The following DLG2 variants were observed in gnomAD, a reference collection of about 807,000 sequenced individuals.
DLG2 encodes discs large MAGUK scaffold protein 2.
Under a neutral mutation model 132.5 loss-of-function variants are expected in DLG2, and 45 were observed. That is an observed-to-expected ratio of 0.34 (90% CI 0.27 to 0.44). The LOEUF (loss-of-function observed/expected upper bound fraction) is 0.44, where lower values mean the gene tolerates loss of function less well. DLG2 is among the 20% of genes least tolerant of loss of function. The pLI is 1.00. For synonymous variants in DLG2, 424 were observed against 419.6 expected (o/e 1.01, Z -0.13); for missense variants, 1,045 against 1,196.9 (o/e 0.87, Z 1.87).
At chr11:85,053,829 G>T (rs982915840) in intron 6 of DLG2, among the ~76,000 whole-genome samples, 2 of 148,370 alleles carry the variant, frequency 1.3e-5, no homozygotes, top group East Asian at 2.0e-4. Flanking sequence ...AATTCATGGT[G>T]AGTACAAAAG....
At chr11:84,563,806 T>C (rs2099437940) in intron 6 of DLG2, among the ~76,000 whole-genome samples, 1 of 152,200 alleles carries the variant, frequency 6.6e-6, no homozygotes, top group Non-Finnish European at 1.5e-5. Context: ...CTATGTGACA[T>C]CTTATTAGTT....
chr11:83,753,591 A>T (rs1211892585), intron 18 of DLG2, among the ~76,000 whole-genome samples: 1 of 149,216 alleles, frequency 6.7e-6, no homozygotes, highest in Non-Finnish European at 1.5e-5. Context: ...AAGTTTATTT[A>T]ACTCCTGTGC....
At chr11:84,650,352 G>A (rs2099680030) in intron 6 of DLG2, among the ~76,000 whole-genome samples, 1 of 152,112 alleles carries the variant, frequency 6.6e-6, no homozygotes, top group South Asian at 2.1e-4. Flanking sequence ...CTCTTTCGTT[G>A]TAGGTATTAG....
intron 4 of DLG2, among the ~76,000 whole-genome samples, chr11:85,280,294 T>C (rs2078147522): frequency 6.6e-6 from 1 of 152,038 alleles, no homozygotes; most frequent in Non-Finnish European, 1.5e-5. Context: ...TTTACATGCC[T>C]GATAGCTTAT....
chr11:85,168,589 G>T (rs563028438), intron 4 of DLG2, among the ~76,000 whole-genome samples: 85 of 152,240 alleles, frequency 5.6e-4, no homozygotes, highest in African/African-American at 2.0e-3. Flanking sequence ...GGTGAGAAAT[G>T]ATAGGGAAGA....
intron 3 of DLG2, among the ~76,000 whole-genome samples, chr11:85,293,371 CCTGGGCAATATAGTGAGACCTCAT>C (rs2079029202): frequency 6.6e-6 from 1 of 152,020 alleles, no homozygotes; most frequent in Admixed American, 6.6e-5. Context: ...TTGAGAACAA[CCTGGGCAATATAGTGAGACCTCAT>C]CTCTGCAAAA....
chr11:83,668,008 G>GAAGAGGGAAATGAC (rs1449912715), intron 18 of DLG2, among the ~76,000 whole-genome samples: 2 of 130,338 alleles, frequency 1.5e-5, no homozygotes, highest in African/African-American at 5.7e-5. Context: ...GAAATTAAAG[G>GAAGAGGGAAATGAC]AAGAGGGAAA....
intron 7 of DLG2, among the ~76,000 whole-genome samples, chr11:84,497,026 T>C (rs1358402395): frequency 6.6e-6 from 1 of 152,148 alleles, no homozygotes; most frequent in East Asian, 1.9e-4. Flanking sequence ...ATCTGACCAA[T>C]TCTCTGGTCT....
intron 6 of DLG2, among the ~76,000 whole-genome samples, chr11:84,579,153 C>T (rs769056162): frequency 1.3e-5 from 2 of 150,646 alleles, no homozygotes; most frequent in African/African-American, 2.4e-5. Flanking sequence ...TTATCAGCAG[C>T]ATGAAAAATG....
chr11:85,075,014 TAAGG>T lies in DLG2; in HGVS notation c.357+36643_357+36646del, dbSNP rs1407331438. 2.0e-5 allele frequency among the ~76,000 whole-genome samples: 3 copies of T among 151,790 alleles called. No homozygotes were observed. In the East Asian group the frequency reaches 5.8e-4, roughly 29 times the overall value. ...GAACTAAAAGGGGAGGCAGGCAATC[TAAGG>T]AAGAGAAAATAGCAACAGGCAATAA... On this transcript the variant is annotated intron_variant, in intron 6 of 27. Coordinates refer to ENST00000376104, the MANE Select transcript of DLG2 (RefSeq NM_001142699.3).
chr11:85,010,736 G>A (rs1169971300), intron 6 of DLG2, among the ~76,000 whole-genome samples: 8 of 151,922 alleles, frequency 5.3e-5, no homozygotes, highest in Non-Finnish European at 7.4e-5. Flanking sequence ...TTTCACTTAT[G>A]GGCTTCCTTA....
At chr11:85,546,769 C>G (rs1319336684) in intron 3 of DLG2, among the ~76,000 whole-genome samples, 1 of 1,002 alleles carries the variant, frequency 1.0e-3, no homozygotes, top group Non-Finnish European at 2.3e-3. Flanking sequence ...CTCTTTTGAT[C>G]TTTGTTGGTT....
chr11:83,994,736 A>G (rs1217975659), intron 11 of DLG2, among the ~76,000 whole-genome samples: 3 of 152,150 alleles, frequency 2.0e-5, no homozygotes, highest in African/African-American at 7.2e-5. Flanking sequence ...CTAAAAAGTA[A>G]GCATCGTAAC....
intron 4 of DLG2, among the ~76,000 whole-genome samples, chr11:85,179,990 A>AC (rs1215121574): frequency 6.6e-6 from 1 of 151,888 alleles, no homozygotes; most frequent in Non-Finnish European, 1.5e-5. Context: ...TGTGATTTAC[A>AC]CCAGGTAGGC....
chr11:84,444,736 T>C (rs566288756), intron 7 of DLG2, among the ~76,000 whole-genome samples: 1 of 152,246 alleles, frequency 6.6e-6, no homozygotes, highest in Non-Finnish European at 1.5e-5. Context: ...TCAAGTTAAT[T>C]TTCATAAATT....
At chr11:83,469,463 G>A in intron 24 of DLG2, 90 bp from the exon 25 acceptor site, 1 of 961,912 alleles carries the variant, frequency 1.0e-6, no homozygotes, top group Non-Finnish European at 1.6e-6. Flanking sequence ...CCTCAACATT[G>A]ATATGTAGAA....
rs141622673 is a variant in DLG2, at chr11:84,721,486, T to C, written c.358-186755A>G. Among the ~76,000 whole-genome samples the C allele has an allele frequency of 1.6e-4, 24 of 151,980 alleles. No individual in the cohort carries two copies. The East Asian group carries it at 4.1e-3, about 26-fold the overall frequency. ...AAGTATGAATGACAAGACTGATGGA[T>C]GTTTTATTGTTTGTTTGTTTTTTTG... On this transcript the variant is annotated intron_variant, in intron 6 of 27. Coordinates refer to ENST00000376104, the MANE Select transcript of DLG2 (RefSeq NM_001142699.3).
chr11:84,377,764 T>C (rs2098735020), intron 7 of DLG2, among the ~76,000 whole-genome samples: 1 of 152,144 alleles, frequency 6.6e-6, no homozygotes, highest in Admixed American at 6.6e-5. Flanking sequence ...TTAAAACATA[T>C]ATATTTTAAT....
intron 18 of DLG2, among the ~76,000 whole-genome samples, chr11:83,750,426 T>C (rs1256094170): frequency 6.6e-6 from 1 of 152,162 alleles, no homozygotes; most frequent in African/African-American, 2.4e-5. Flanking sequence ...AGATAAGAAT[T>C]ACCAAATGTA....
Sources: gnomAD v4.1 joint callset for allele counts (sites outside exome capture counted in the v4.1 genomes callset) on GRCh38, gnomAD v4.1.1 for gene constraint, MANE v1.5 for transcripts, NCBI Gene and HGNC (gene_info 2026-07-23, HGNC 2026-07-21) for gene names.